ANK1: variants seen among roughly 807,000 people sequenced by gnomAD.
ANK1 encodes the protein ankyrin 1.
Under a neutral mutation model 210.4 loss-of-function variants are expected in ANK1, and 51 were observed. That is an observed-to-expected ratio of 0.24 (90% confidence interval 0.19 to 0.31). ANK1 has a LOEUF of 0.31. Among genes scored for constraint, ANK1 ranks in the 10% least tolerant of loss-of-function variants. The probability of loss-of-function intolerance (pLI) is 1.00; values close to 1 mark genes in which losing one functional copy is unlikely to be tolerated. For missense variants in ANK1, 2,051 were observed against 2,504.4 expected (o/e 0.82, Z 3.86); for synonymous variants, 967 against 1,025.9 (o/e 0.94, Z 1.10).
intron 1 of ANK1, among the ~76,000 whole-genome samples, chr8:41,881,551 T>C (rs1817590111): frequency 6.6e-6 from 1 of 152,242 alleles, no homozygotes; most frequent in South Asian, 2.1e-4. Context: ...GGAACTGGTA[T>C]ATAACATTCC....
intron 35 of ANK1, among the ~76,000 whole-genome samples, chr8:41,687,207 C>A (rs187880448): frequency 6.4e-4 from 98 of 152,328 alleles, no homozygotes; most frequent in Middle Eastern, 3.4e-3. Context: ...GAAGGGGAAG[C>A]CATCTCAGTG....
At chr8:41,699,110 C>T (rs1438550699) in intron 23 of ANK1, among the ~76,000 whole-genome samples, 1 of 152,100 alleles carries the variant, frequency 6.6e-6, no homozygotes, top group East Asian at 1.9e-4. Flanking sequence ...TCTTCTTCAA[C>T]TTTTGGATGA....
At chr8:41,847,007 A>T (rs922369022) in intron 1 of ANK1, among the ~76,000 whole-genome samples, 2 of 152,250 alleles carry the variant, frequency 1.3e-5, no homozygotes, top group Non-Finnish European at 2.9e-5. Context: ...TTTCACACAC[A>T]GCCCTTGAGG....
rs375228300 is a variant in ANK1 at position 41,672,619 on chromosome 8, G to A, written c.4831C>T (p.Arg1611Trp). The change falls in exon 38 of 43, where the codon CGG becomes TGG. Residue 1611 changes from arginine (R) to tryptophan (W), a missense_variant. This residue lies in a region of ANK1 where 496 missense variants were observed against 533.4 expected (regional missense o/e 0.93). Coordinates refer to ENST00000289734, the MANE Select transcript of ANK1 (RefSeq NM_000037.4). ...KLEGALSEEP[R>W]GPELGSLELV... ...TCCAGAGAGCCCAACTCGGGGCCCC[G>A]CGGTTCCTCTGAGAGTGCCCCCTCC... 1.4e-5 allele frequency: 23 copies of A among 1,614,070 alleles called. No individual in the cohort carries two copies. Among genetic ancestry groups the A allele is most frequent in the East Asian group, 2.2e-5 (1 of 44,900 alleles).
intron 1 of ANK1, among the ~76,000 whole-genome samples, chr8:41,780,227 T>C (rs1844988132): frequency 6.6e-6 from 1 of 152,124 alleles, no homozygotes; most frequent in Non-Finnish European, 1.5e-5. Context: ...TTTTTAGAGA[T>C]GGGGTCTTGC....
intron 40 of ANK1, 72 bp from the exon 41 acceptor site, chr8:41,662,013 C>T: frequency 1.3e-6 from 2 of 1,551,456 alleles, no homozygotes; most frequent in Admixed American, 1.7e-5. Context: ...AATCTCAGCA[C>T]TTTGGGAGGC....
intron 1 of ANK1, among the ~76,000 whole-genome samples, chr8:41,782,161 G>A (rs1366828847): frequency 6.6e-6 from 1 of 152,188 alleles, no homozygotes; most frequent in Non-Finnish European, 1.5e-5. Flanking sequence ...CCTTTAGCAA[G>A]GGTTCCTGCT....
intron 1 of ANK1, among the ~76,000 whole-genome samples, chr8:41,848,036 T>G (rs978045662): frequency 6.6e-6 from 1 of 151,700 alleles, no homozygotes; most frequent in East Asian, 1.9e-4. Flanking sequence ...AATACAAAAC[T>G]TAGCCGGGTG....
intron 37 of ANK1, among the ~76,000 whole-genome samples, chr8:41,683,501 C>T (rs959861707): frequency 6.6e-6 from 1 of 152,214 alleles, no homozygotes; most frequent in African/African-American, 2.4e-5. Flanking sequence ...CAGGTGCCCA[C>T]CCTCAGCCTG....
chr8:41,879,286 C>T (rs903790941), intron 1 of ANK1, among the ~76,000 whole-genome samples: 6 of 152,036 alleles, frequency 3.9e-5, no homozygotes, highest in East Asian at 1.9e-4. Context: ...TGCCCTCCTG[C>T]GTTTGTTGTG....
chr8:41,711,844 C>T (rs10089810), intron 16 of ANK1, among the ~76,000 whole-genome samples: 5,609 of 152,242 alleles, frequency 0.037, 186 homozygotes, highest in African/African-American at 0.093. Flanking sequence ...ATGGTTATCA[C>T]GTTGGCTCAG....
chr8:41,689,360 C>T (rs1206357533), intron 33 of ANK1, among the ~76,000 whole-genome samples: 1 of 150,880 alleles, frequency 6.6e-6, no homozygotes, highest in Admixed American at 6.6e-5. Context: ...AACTCCTGGG[C>T]TCAAGCAATC....
chr8:41,724,952 T>C (rs1830294481), intron 6 of ANK1, among the ~76,000 whole-genome samples: 1 of 152,192 alleles, frequency 6.6e-6, no homozygotes, highest in African/African-American at 2.4e-5. Context: ...CTCGACCTCC[T>C]GGGCTCAAGC....
chr8:41,768,108 T>C (rs1842255432), intron 1 of ANK1, among the ~76,000 whole-genome samples: 1 of 152,214 alleles, frequency 6.6e-6, no homozygotes, highest in Admixed American at 6.5e-5. Context: ...TGTTCTGTCC[T>C]GGGACCACTA....
rs1563811160 is a variant in ANK1 at position 41,803,085 on chromosome 8, G to GGAAGGAAGGGAAGGA, written c.127-44949_127-44948insTCCTTCCCTTCCTTC. ...AAAGGAAGGAAGGAAGGAAGGAAGG[G>GGAAGGAAGGGAAGGA]AAGGAAAGGAAAGGAAAGGAAAGGA... On this transcript the variant is annotated intron_variant, in intron 1 of 42. Transcript: ENST00000265709. 5.1e-3 allele frequency among the ~76,000 whole-genome samples: 304 copies of GGAAGGAAGGGAAGGA among 60,016 alleles called. 2 individuals are homozygous for GGAAGGAAGGGAAGGA. The highest frequency in any genetic ancestry group is 0.012 in the South Asian group (17 of 1,400). 39.4% of individuals were successfully genotyped at this position (60,016 alleles called of 152,430 possible). A position where few individuals can be genotyped will look rare whatever the true frequency, so the allele number is the denominator to read the frequency against.
intron 18 of ANK1, among the ~76,000 whole-genome samples, chr8:41,705,731 G>A (rs78698488): frequency 0.036 from 5,437 of 152,220 alleles, 321 homozygotes; most frequent in African/African-American, 0.12. Flanking sequence ...CAGACACCTC[G>A]ACGGCAGATT....
chr8:41,696,333 G>GGA, intron 26 of ANK1, 30 bp downstream of exon 26: 1 of 1,609,428 alleles, frequency 6.2e-7, no homozygotes, highest in African/African-American at 1.3e-5. Context: ...CAGGGACAGG[G>GGA]GAGAACACGG....
At chr8:41,696,802 C>T (rs752943742) in intron 24 of ANK1, 29 bp from the exon 25 acceptor site, 7 of 1,579,554 alleles carry the variant, frequency 4.4e-6, no homozygotes, top group Admixed American at 1.7e-5. Context: ...TCCTCCTGTC[C>T]CACCTCCTCC....
chr8:41,703,398 ATATG>A (rs1348194389), intron 20 of ANK1, among the ~76,000 whole-genome samples: 4 of 93,282 alleles, frequency 4.3e-5, no homozygotes, highest in African/African-American at 1.8e-4. Context: ...ATATATATGT[ATATG>A]TGTGTGTGTG....
Sources: allele counts gnomAD v4.1 joint callset (sites outside exome capture counted in the v4.1 genomes callset), GRCh38; gene constraint gnomAD v4.1.1; regional missense constraint gnomAD v4.1.1; transcripts MANE v1.5; gene names NCBI Gene and HGNC (gene_info 2026-07-23, HGNC 2026-07-21).